Variants in SRBD1 observed in about 807,000 individuals in gnomAD.
The protein encoded by SRBD1 is S1 RNA-binding domain-containing protein 1.
A neutral mutation model predicts 115.3 loss-of-function variants in SRBD1; 88 were observed. The observed-to-expected ratio is 0.76, with a 90% CI of 0.64 to 0.91. The LOEUF is 0.91. Among genes scored for constraint, SRBD1 ranks in the 40% least tolerant of loss-of-function variants. The pLI is 0.00. For missense variants in SRBD1, 1,385 were observed against 1,177.4 expected (o/e 1.18, Z -2.58); for synonymous variants, 509 against 407.7 (o/e 1.25, Z -2.99).
intron 14 of SRBD1, among the ~76,000 whole-genome samples, chr2:45,490,282 G>A (rs1427175846): frequency 1.3e-5 from 2 of 152,066 alleles, no homozygotes; most frequent in African/African-American, 4.8e-5. Context: ...GGACTATTGG[G>A]CAGGAAGAGG....
At chr2:45,558,629 T>C (rs938323815) in intron 10 of SRBD1, among the ~76,000 whole-genome samples, 1 of 151,948 alleles carries the variant, frequency 6.6e-6, no homozygotes, top group Non-Finnish European at 1.5e-5. Flanking sequence ...GTTCTTAATA[T>C]ATTTATAGTG....
rs768466706 is a variant in SRBD1, at chr2:45,605,476, G to C, written c.1-35C>G. The C allele has an allele frequency of 1.5e-5, 24 of 1,574,068 alleles. 1 individual carries two copies. In the East Asian group the frequency reaches 5.2e-4, roughly 34 times the overall value. The stretch of plus-strand genomic sequence containing the variant: ...ACAGAAAATAAAATCAGCAACACTT[G>C]AATATTCTTATCACTTTATTTGGCT... On this transcript the variant is annotated intron_variant, in intron 1 of 20. Coordinates refer to ENST00000263736, the MANE Select transcript of SRBD1 (RefSeq NM_018079.5).
chr2:45,516,211 C>T (rs1572723145), intron 14 of SRBD1, among the ~76,000 whole-genome samples: 2 of 151,996 alleles, frequency 1.3e-5, no homozygotes, highest in African/African-American at 4.8e-5. Flanking sequence ...AAAAAGGGGA[C>T]AAAATAGACA....
At chr2:45,408,189 G>A (rs1018815364) in intron 19 of SRBD1, among the ~76,000 whole-genome samples, 4 of 152,008 alleles carry the variant, frequency 2.6e-5, no homozygotes, top group African/African-American at 9.7e-5. Context: ...ATCTTAAATG[G>A]GCTTTTTTCT....
intron 16 of SRBD1, among the ~76,000 whole-genome samples, chr2:45,446,513 C>G (rs1278207439): frequency 1.3e-5 from 2 of 152,124 alleles, no homozygotes; most frequent in Non-Finnish European, 2.9e-5. Flanking sequence ...GATTGGGGAT[C>G]CTTTTCCCAA....
chr2:45,391,896 G>T (rs1181190656), intron 20 of SRBD1, among the ~76,000 whole-genome samples: 1 of 152,026 alleles, frequency 6.6e-6, no homozygotes, highest in Non-Finnish European at 1.5e-5. Context: ...TAATGCAAAG[G>T]GTGCAGCCAT....
chr2:45,414,606 ATAGT>A (rs1169429470), intron 18 of SRBD1, among the ~76,000 whole-genome samples: 2 of 141,362 alleles, frequency 1.4e-5, no homozygotes, highest in East Asian at 1.9e-4. Context: ...CATAGTGTGT[ATAGT>A]GTGTGTACAC....
chr2:45,496,101 A>C (rs1007566491), intron 14 of SRBD1, among the ~76,000 whole-genome samples: 1 of 152,224 alleles, frequency 6.6e-6, no homozygotes, highest in Non-Finnish European at 1.5e-5. Context: ...TGCACAGAGA[A>C]TTGTGAAGTT....
chr2:45,552,136 G>A (rs527735519), intron 11 of SRBD1, among the ~76,000 whole-genome samples: 4 of 152,242 alleles, frequency 2.6e-5, no homozygotes, highest in South Asian at 2.1e-4. Context: ...TGACAGTCAC[G>A]GGAATAAGAT....
At chr2:45,557,923 CA>C (rs1672534289) in intron 10 of SRBD1, among the ~76,000 whole-genome samples, 1 of 152,088 alleles carries the variant, frequency 6.6e-6, no homozygotes, top group South Asian at 2.1e-4. Context: ...TACAATGAAG[CA>C]CAAAACTGAG....
Position 45,568,421 on chromosome 2 carries a change from G to A in SRBD1, c.1305+4786C>T, listed in dbSNP as rs138989460. Among the ~76,000 whole-genome samples the A allele has an allele frequency of 2.8e-3, 431 of 152,262 alleles. 1 individual carries two copies. Among genetic ancestry groups the A allele is most frequent in the African/African-American group, 9.7e-3 (405 of 41,564 alleles). On this transcript the variant is annotated intron_variant, in intron 9 of 20. Transcript: ENST00000263736. ...AAAGTAAGGTTCAGATTTAGGACAT[G>A]AGGTCTCAGCACTATAGGAATTGGG...
At chr2:45,610,517 A>G (rs1326236185) in intron 1 of SRBD1, among the ~76,000 whole-genome samples, 11 of 152,254 alleles carry the variant, frequency 7.2e-5, no homozygotes, top group Admixed American at 7.2e-4. Context: ...GCAAAGGACT[A>G]TAGCCCAGTG....
intron 6 of SRBD1, 34 bp downstream of exon 6, chr2:45,581,659 G>T (rs754358372): frequency 1.3e-6 from 2 of 1,526,278 alleles, no homozygotes; most frequent in South Asian, 2.3e-5. Context: ...AATATATTCA[G>T]GTATTACATT....
intron 16 of SRBD1, among the ~76,000 whole-genome samples, chr2:45,445,345 C>G (rs1372632239): frequency 6.6e-6 from 1 of 151,894 alleles, no homozygotes; most frequent in East Asian, 1.9e-4. Flanking sequence ...TTTACCCATT[C>G]ATCTCTAGTG....
chr2:45,461,057 C>A (rs950511130), intron 16 of SRBD1, among the ~76,000 whole-genome samples: 3 of 152,196 alleles, frequency 2.0e-5, no homozygotes, highest in Non-Finnish European at 4.4e-5. Context: ...GGACCTCTCT[C>A]CTCTATAGCC....
chr2:45,570,858 C>T (rs1447296205), intron 9 of SRBD1, among the ~76,000 whole-genome samples: 1 of 152,062 alleles, frequency 6.6e-6, no homozygotes, highest in African/African-American at 2.4e-5. Context: ...TTTCACATGC[C>T]TTGGAACTTA....
intron 16 of SRBD1, among the ~76,000 whole-genome samples, chr2:45,432,468 C>T (rs1159018384): frequency 6.6e-6 from 1 of 152,186 alleles, no homozygotes; most frequent in Non-Finnish European, 1.5e-5. Context: ...TTCTAAGCAA[C>T]TATTTTGTAC....
chr2:45,456,111 C>T (rs1426736220), intron 16 of SRBD1, among the ~76,000 whole-genome samples: 3 of 151,684 alleles, frequency 2.0e-5, no homozygotes, highest in Admixed American at 6.6e-5. Flanking sequence ...TTTCTGAGTC[C>T]CCAGAATATA....
chr2:45,581,671 A>G, intron 6 of SRBD1, 22 bp downstream of exon 6: 1 of 1,583,184 alleles, frequency 6.3e-7, no homozygotes, highest in Non-Finnish European at 8.6e-7. Flanking sequence ...TATTACATTA[A>G]AAGATAAAAA....
Sources: gnomAD v4.1 joint callset for allele counts (sites outside exome capture counted in the v4.1 genomes callset) on GRCh38, gnomAD v4.1.1 for gene constraint, MANE v1.5 for transcripts, NCBI Gene and HGNC (gene_info 2026-07-23, HGNC 2026-07-21) for gene names.